The following PTCD3 variants were observed in gnomAD, a reference collection of about 807,000 sequenced individuals.
PTCD3 encodes the protein small ribosomal subunit protein mS39.
In PTCD3, 89 loss-of-function variants were observed where a neutral mutation model predicts 101.9. The ratio of observed to expected loss-of-function variants is 0.87; its 90% CI spans 0.74 to 1.04. PTCD3 has a LOEUF of 1.04. PTCD3 is among the 50% of genes least tolerant of loss of function. PTCD3 has a pLI of 0.00. For synonymous variants in PTCD3, 296 were observed against 278.5 expected (o/e 1.06, Z -0.63); for missense variants, 870 against 828.2 (o/e 1.05, Z -0.62).
Position 86,121,375 on chromosome 2 carries a change from C to G in PTCD3, c.539-104C>G, listed in dbSNP as rs889413131. 6.0e-6 allele frequency: 4 copies of G among 665,210 alleles called. No individual in the cohort carries two copies. In the African/African-American group the frequency reaches 7.3e-5, roughly 12 times the overall value. 41.2% of individuals were successfully genotyped at this position (665,210 alleles called of 1,614,324 possible). ...TAGTGGACAACATTAAGTGTGTAGC[C>G]CTGAAGACCACCGCTAATATAAAAA... On this transcript the variant is annotated intron_variant, in intron 7 of 23. Coordinates refer to ENST00000254630, the MANE Select transcript of PTCD3 (RefSeq NM_017952.6).
Position 86,139,633 on chromosome 2 carries a change from C to T in PTCD3, c.*2074C>T, listed in dbSNP as rs1674649779. The stretch of plus-strand genomic sequence containing the variant: ...GCCTGGGTAACAGTGAGACCCCCCT[C>T]CCTACAAAAGATTTTAATAATTAGT... On this transcript the variant is annotated 3_prime_UTR_variant, in exon 24 of 24. Transcript: ENST00000254630. 6.6e-6 allele frequency: 1 copy of T among 152,166 alleles called. No homozygotes were observed. Among genetic ancestry groups the T allele is most frequent in the African/African-American group, 2.4e-5 (1 of 41,366 alleles). The allele number at this position is 152,166 out of a possible 1,614,324, so 9.4% of individuals were successfully genotyped here.
At position 86,139,332 on chromosome 2, in the gene PTCD3, A is replaced by T. The variant is rs1674645524; in HGVS notation, c.*1773A>T. 1 of 152,040 alleles carries T rather than the reference A, an allele frequency of 6.6e-6. No homozygotes were observed. The highest frequency in any genetic ancestry group is 1.5e-5 in the Non-Finnish European group (1 of 68,056). 9.4% of individuals were successfully genotyped at this position (152,040 alleles called of 1,614,324 possible). ...CCTGGGCAACATAGTGAGACACCGG[A>T]TCTACAAAAAAATAAAAAGCCAGAC... On this transcript the variant is annotated 3_prime_UTR_variant, in exon 24 of 24. Transcript: ENST00000254630.
chr2:86,127,822 C>T, intron 13 of PTCD3, 119 bp from the exon 14 acceptor site: 1 of 800,444 alleles, frequency 1.2e-6, no homozygotes. Flanking sequence ...AATAGAAATG[C>T]ATATTTTGCT....
chr2:86,121,704 G>C lies in PTCD3; in HGVS notation c.654+110G>C. On this transcript the variant is annotated intron_variant, in intron 8 of 23. Coordinates refer to ENST00000254630, the MANE Select transcript of PTCD3 (RefSeq NM_017952.6). ...CCATGTGTCAGGGTAGTAGAGATTT[G>C]TACTGAGATGTGTGGTACGATAGCC... The C allele has an allele frequency of 4.9e-6, 3 of 617,564 alleles. No homozygotes were observed. The Admixed American group carries it at 9.2e-5, about 19-fold the overall frequency. The allele number at this position is 617,564 out of a possible 1,614,324, so 38.3% of individuals were successfully genotyped here.
Position 86,137,493 on chromosome 2 carries a change from A to T in PTCD3, c.2004A>T (p.Ala668=). 6.2e-7 allele frequency: 1 copy of T among 1,613,914 alleles called. No homozygotes were observed. The highest frequency in any genetic ancestry group is 8.5e-7 in the Non-Finnish European group (1 of 1,179,908). ...GGGAAGCCCTAAGTAATCTAACTGC[A>T]TTGACCAGTGACAGTGATACTGACA... ...EQKEALSNLT[A]LTSDSDTDSS... Residue 668 remains alanine, a synonymous_variant, in exon 24 of 24, where the codon GCA becomes GCT. Coordinates refer to ENST00000254630, the MANE Select transcript of PTCD3 (RefSeq NM_017952.6).
Position 86,133,180 on chromosome 2 carries a change from C to G in PTCD3, c.1376C>G (p.Ser459Cys). 6.2e-7 allele frequency: 1 copy of G among 1,613,584 alleles called. No individual in the cohort carries two copies. The highest frequency in any genetic ancestry group is 2.2e-5 in the East Asian group (1 of 44,862). Residue 459 changes from serine to cysteine, a missense_variant and splice_region_variant, in exon 18 of 24, where the codon TCC becomes TGC. By Grantham distance (112) the Ser-to-Cys change is moderately radical (BLOSUM62 -1). Transcript: ENST00000254630. ...GPDQHRNFYY[S>C]KFFDLICLME... ...CATACTTTTTGCCTTCATCACAGTT[C>G]CAAGTTCTTCGATTTGATTTGTCTA...
chr2:86,135,960 G>C (rs760309579), intron 21 of PTCD3: 13 of 519,036 alleles, frequency 2.5e-5, no homozygotes, highest in Non-Finnish European at 4.2e-5. Flanking sequence ...CATGTGGCAG[G>C]CTGATGGGGA....
intron 8 of PTCD3, among the ~76,000 whole-genome samples, chr2:86,122,539 A>G (rs1466221290): frequency 2.1e-5 from 3 of 146,130 alleles, no homozygotes; most frequent in African/African-American, 7.6e-5. Flanking sequence ...ATTCTCCCAA[A>G]TAGCTGGGAC....
intron 13 of PTCD3, 76 bp from the exon 14 acceptor site, chr2:86,127,865 G>T: frequency 9.0e-7 from 1 of 1,115,550 alleles, no homozygotes; most frequent in Non-Finnish European, 1.4e-6. Flanking sequence ...AATTCAGTGT[G>T]TCTCAGTAAA....
At chr2:86,133,461 AG>A in intron 19 of PTCD3, 25 bp downstream of exon 19, 1 of 1,559,290 alleles carries the variant, frequency 6.4e-7, no homozygotes, top group Non-Finnish European at 8.8e-7. Context: ...TTATGTGTCC[AG>A]GTGCATCTCA....
chr2:86,108,687 G>A (rs1674013716), intron 3 of PTCD3, 151 bp downstream of exon 3: 6 of 710,180 alleles, frequency 8.4e-6, no homozygotes, highest in Middle Eastern at 4.4e-4. Context: ...GGAGTTTAAA[G>A]GACAAAAAAT....
At position 86,121,507 on chromosome 2, in the gene PTCD3, T is replaced by TA; in HGVS notation, c.568dup (p.Ser190LysfsTer11). On this transcript the variant is annotated frameshift_variant, in exon 8 of 24. Coordinates refer to ENST00000254630, the MANE Select transcript of PTCD3 (RefSeq NM_017952.6). LOFTEE classifies it high-confidence loss of function. ...CCACTGTGTCTCTTGAAACAACAAA[T>TA]AGTCTCTTGGATTTATTGTGTTACT... The TA allele has an allele frequency of 6.2e-7, 1 of 1,607,252 alleles. No individual in the cohort carries two copies. The highest frequency in any genetic ancestry group is 8.5e-7 in the Non-Finnish European group (1 of 1,177,524).
chr2:86,106,738 G>A (rs1355466298), intron 1 of PTCD3, among the ~76,000 whole-genome samples: 1 of 152,120 alleles, frequency 6.6e-6, no homozygotes, highest in Non-Finnish European at 1.5e-5. Context: ...CCAAATAAAA[G>A]GCAGTCTCTG....
At position 86,137,607 on chromosome 2, in the gene PTCD3, T is replaced by C. The variant is rs777941424; in HGVS notation, c.*48T>C. 84 of 1,611,112 alleles carry C rather than the reference T, an allele frequency of 5.2e-5. No homozygotes were observed. Among genetic ancestry groups the C allele is most frequent in the Admixed American group, 1.2e-4 (7 of 59,802 alleles). Reference sequence around the variant, plus strand: ...ATGGGTCTCACCATAGCTGCTGGAATCACACCTGAGAACTGAGATATACCA... The same window carrying C: ...ATGGGTCTCACCATAGCTGCTGGAACCACACCTGAGAACTGAGATATACCA... On this transcript the variant is annotated 3_prime_UTR_variant, in exon 24 of 24. Coordinates refer to ENST00000254630, the MANE Select transcript of PTCD3 (RefSeq NM_017952.6).
In PTCD3 at chr2:86,127,189, A is replaced by G. The variant is rs746789934; in HGVS notation, c.980A>G (p.Lys327Arg). The change falls in exon 13 of 24, where the codon AAG becomes AGG. Residue 327 changes from lysine to arginine, a missense_variant. Coordinates refer to ENST00000254630, the MANE Select transcript of PTCD3 (RefSeq NM_017952.6). ...LELLRHMVAQ[K>R]VKPNLQTFNT... ...CTGCTAAGACACATGGTTGCACAGAAGGTGAAACCAAATCTTCAGACTTTT... is the reference window on the plus strand; with the variant it reads ...CTGCTAAGACACATGGTTGCACAGAGGGTGAAACCAAATCTTCAGACTTTT... The G allele has an allele frequency of 6.2e-7, 1 of 1,613,394 alleles. No homozygotes were observed. Among genetic ancestry groups the G allele is most frequent in the East Asian group, 2.2e-5 (1 of 44,870 alleles).
Position 86,117,059 on chromosome 2 carries a change from CAT to C in PTCD3, c.315_316del (p.Leu107ThrfsTer15), listed in dbSNP as rs755235722. The C allele has an allele frequency of 3.2e-5, 39 of 1,231,190 alleles. No individual in the cohort carries two copies. The highest frequency in any genetic ancestry group is 4.6e-5 in the Non-Finnish European group (38 of 831,434). The allele number at this position is 1,231,190 out of a possible 1,614,324, so 76.3% of individuals were successfully genotyped here. The stretch of plus-strand genomic sequence containing the variant: ...TAAATCTTTTTCTTTATATAGCGTT[CAT>C]TTTTACTGGCAAAGAAATCCGGGGA... On this transcript the variant is annotated frameshift_variant, in exon 6 of 24. Transcript: ENST00000254630. LOFTEE classifies it high-confidence loss of function.
chr2:86,141,936 C>G lies in PTCD3; in HGVS notation c.*4377C>G, dbSNP rs368933077. 14 of 151,188 alleles carry G rather than the reference C, an allele frequency of 9.3e-5. 1 individual carries two copies. The highest frequency in any genetic ancestry group is 3.5e-4 in the African/African-American group (14 of 40,450). 9.4% of individuals were successfully genotyped at this position (151,188 alleles called of 1,614,324 possible). A position where few individuals can be genotyped will look rare whatever the true frequency, so the allele number is the denominator to read the frequency against. On this transcript the variant is annotated 3_prime_UTR_variant, in exon 24 of 24. Coordinates refer to ENST00000254630, the MANE Select transcript of PTCD3 (RefSeq NM_017952.6). ...GAGAATCCAAGAAGAGGCTCCGCTGCTTTTTGCACATGTTACTGAGTTACA... is the reference window on the plus strand; with the variant it reads ...GAGAATCCAAGAAGAGGCTCCGCTGGTTTTTGCACATGTTACTGAGTTACA...
chr2:86,124,699 A>G (rs575239945), intron 9 of PTCD3, among the ~76,000 whole-genome samples: 8 of 152,340 alleles, frequency 5.3e-5, no homozygotes, highest in Admixed American at 2.0e-4. Flanking sequence ...ACTTTGTCAT[A>G]CAGTTGCTTC....
At chr2:86,106,486 C>T in intron 1 of PTCD3, 135 bp downstream of exon 1, 1 of 799,254 alleles carries the variant, frequency 1.3e-6, no homozygotes. Flanking sequence ...GCCCTTAAGA[C>T]CAGGTACGCG....
Sources: allele counts gnomAD v4.1 joint callset (sites outside exome capture counted in the v4.1 genomes callset), GRCh38; gene constraint gnomAD v4.1.1; transcripts MANE v1.5; gene names NCBI Gene and HGNC (gene_info 2026-07-23, HGNC 2026-07-21).